Variants in MTMR3 observed in about 807,000 individuals in gnomAD.
The protein encoded by MTMR3 is myotubularin related protein 3.
MTMR3 carries 32 observed loss-of-function variants against 132.4 expected under a neutral mutation model. That is an observed-to-expected ratio of 0.24 (90% CI 0.18 to 0.32). The LOEUF is 0.32. MTMR3 is among the 10% of genes least tolerant of loss of function. The pLI is 1.00. For missense variants in MTMR3, 1,216 were observed against 1,489.6 expected, an observed-to-expected ratio of 0.82 and a Z score of 3.02; for synonymous variants, 556 against 550.3, an observed-to-expected ratio of 1.01 and a Z score of -0.14.
chr22:30,007,876 A>G, intron 10 of MTMR3, 25 bp from the exon 11 acceptor site: 1 of 1,612,574 alleles, frequency 6.2e-7, no homozygotes, highest in Non-Finnish European at 8.5e-7. Context: ...CTCATTTAGT[A>G]TGCCCTCTCC....
At chr22:29,923,041 AT>A (rs36099310) in intron 1 of MTMR3, among the ~76,000 whole-genome samples, 3,927 of 129,920 alleles carry the variant, frequency 0.03, 69 homozygotes, top group Non-Finnish European at 0.04. Flanking sequence ...CATCCAGCCA[AT>A]TTTTTTTTTT....
At chr22:29,923,729 A>G (rs187535839) in intron 1 of MTMR3, among the ~76,000 whole-genome samples, 50 of 152,196 alleles carry the variant, frequency 3.3e-4, no homozygotes, top group East Asian at 2.5e-3. Context: ...CACTAATCCT[A>G]TTGGATCAAG....
At chr22:29,970,474 C>T (rs373066813) in intron 2 of MTMR3, among the ~76,000 whole-genome samples, 6 of 141,818 alleles carry the variant, frequency 4.2e-5, no homozygotes, top group African/African-American at 1.6e-4. Flanking sequence ...ACTGGGACTA[C>T]AGGCATGTGC....
At chr22:29,944,899 A>G (rs902398118) in intron 1 of MTMR3, among the ~76,000 whole-genome samples, 1 of 152,216 alleles carries the variant, frequency 6.6e-6, no homozygotes, top group Non-Finnish European at 1.5e-5. Flanking sequence ...TCAATGAATA[A>G]ACTGTATAAA....
chr22:30,019,937 C>T lies in MTMR3; in HGVS notation c.2278C>T (p.Leu760=). 6.2e-7 allele frequency: 1 copy of T among 1,614,250 alleles called. No individual in the cohort carries two copies. Among genetic ancestry groups the T allele is most frequent in the Non-Finnish European group, 8.5e-7 (1 of 1,180,044 alleles). The stretch of plus-strand genomic sequence containing the variant: ...GAGCCATCTGGATATGAGCTGGCCT[C>T]TGTTCTCACAGGGCATTTCTGAACA... ...LRSHLDMSWP[L]FSQGISEQQS... The change falls in exon 17 of 20, where the codon CTG becomes TTG. Residue 760 remains leucine, a synonymous_variant. Coordinates refer to ENST00000401950, the MANE Select transcript of MTMR3 (RefSeq NM_021090.4).
chr22:29,966,682 GGTTA>G (rs764598290), intron 2 of MTMR3, among the ~76,000 whole-genome samples: 29 of 151,232 alleles, frequency 1.9e-4, no homozygotes, highest in Non-Finnish European at 3.7e-4. Flanking sequence ...AAAAATAAAA[GGTTA>G]GTTCCTTAAC....
intron 1 of MTMR3, among the ~76,000 whole-genome samples, chr22:29,888,531 T>G (rs2064723860): frequency 6.6e-6 from 1 of 152,202 alleles, no homozygotes; most frequent in African/African-American, 2.4e-5. Flanking sequence ...GTGAAATACC[T>G]CATAGCTATG....
chr22:30,020,164 T>A lies in MTMR3; in HGVS notation c.2505T>A (p.Phe835Leu). ...SCSLLPSQVP[F>L]ETRGPNVDSS... ...CTCTGCTACCTTCCCAAGTCCCTTT[T>A]GAGACCAGAGGACCAAACGTGGACA... The change falls in exon 17 of 20, where the codon TTT (phenylalanine) becomes TTA (leucine). Residue 835 changes from phenylalanine (F) to leucine (L), a missense_variant. This residue lies in a region of MTMR3 where 852 missense variants were observed against 852.0 expected (regional missense o/e 1.00). Transcript: ENST00000401950. 1 of 1,614,196 alleles carries A rather than the reference T, an allele frequency of 6.2e-7. No individual in the cohort carries two copies. Among genetic ancestry groups the A allele is most frequent in the Non-Finnish European group, 8.5e-7 (1 of 1,180,022 alleles).
chr22:30,025,674 T>G lies in MTMR3; in HGVS notation c.3470T>G (p.Val1157Gly). Residue 1157 changes from valine (V) to glycine (G), a missense_variant, in exon 20 of 20, where the codon GTT (valine) becomes GGT (glycine). By Grantham distance (109) the Val-to-Gly change is moderately radical. Transcript: ENST00000401950. The part of the protein sequence containing the change: ...VFCSSCCNQK[V>G]PVPSQQLFEP... Reference sequence around the variant, plus strand: ...TGCTCCAGTTGTTGTAACCAGAAGGTTCCAGTTCCCAGCCAGCAGCTCTTT... The same window carrying G: ...TGCTCCAGTTGTTGTAACCAGAAGGGTCCAGTTCCCAGCCAGCAGCTCTTT... 6.2e-7 allele frequency: 1 copy of G among 1,614,188 alleles called. No individual in the cohort carries two copies. The highest frequency in any genetic ancestry group is 8.5e-7 in the Non-Finnish European group (1 of 1,180,028).
intron 7 of MTMR3, chr22:29,998,253 A>G (rs2067101471): frequency 6.6e-6 from 1 of 152,336 alleles, no homozygotes. Context: ...ATCAGAATTA[A>G]TTTCTTTCCT....
At chr22:29,974,288 C>A (rs2066590806) in intron 3 of MTMR3, among the ~76,000 whole-genome samples, 1 of 152,182 alleles carries the variant, frequency 6.6e-6, no homozygotes, top group South Asian at 2.1e-4. Context: ...ATGAAACTCA[C>A]AGAAACTATA....
In MTMR3 at chr22:30,030,826, G is replaced by C. The variant is rs1393115799; in HGVS notation, c.*5025G>C. 1 of 152,218 alleles carries C rather than the reference G, an allele frequency of 6.6e-6. No individual in the cohort carries two copies. The highest frequency in any genetic ancestry group is 1.5e-5 in the Non-Finnish European group (1 of 68,024). 9.4% of individuals were successfully genotyped at this position (152,218 alleles called of 1,614,324 possible). Reference sequence around the variant, plus strand: ...AAAAGTAAGATCTGGTATGAAGAAAGGTTTTGTTTGTTTCTTAAAATAAAA... The same window carrying C: ...AAAAGTAAGATCTGGTATGAAGAAACGTTTTGTTTGTTTCTTAAAATAAAA... On this transcript the variant is annotated 3_prime_UTR_variant, in exon 20 of 20. Coordinates refer to ENST00000401950, the MANE Select transcript of MTMR3 (RefSeq NM_021090.4).
chr22:30,022,716 G>T lies in MTMR3; in HGVS notation c.3425+19G>T. On this transcript the variant is annotated intron_variant, in intron 19 of 19. Coordinates refer to ENST00000401950, the MANE Select transcript of MTMR3 (RefSeq NM_021090.4). Reference sequence around the variant, plus strand: ...ACTGCAGGTACCATTGAGGGGCTGTGGTAGGGTGGGCTGTGTGTGGAGGTT... The same window carrying T: ...ACTGCAGGTACCATTGAGGGGCTGTTGTAGGGTGGGCTGTGTGTGGAGGTT... The T allele has an allele frequency of 6.3e-7, 1 of 1,597,174 alleles. No individual in the cohort carries two copies. Among genetic ancestry groups the T allele is most frequent in the Non-Finnish European group, 8.5e-7 (1 of 1,174,952 alleles).
chr22:30,016,847 T>C, intron 15 of MTMR3, 149 bp downstream of exon 15: 1 of 934,560 alleles, frequency 1.1e-6, no homozygotes, highest in South Asian at 1.7e-5. Context: ...CATGATTCTG[T>C]CCTGAGGAAG....
intron 2 of MTMR3, among the ~76,000 whole-genome samples, chr22:29,957,998 T>C (rs1182705146): frequency 1.3e-5 from 2 of 152,078 alleles, no homozygotes; most frequent in Non-Finnish European, 2.9e-5. Context: ...AAACTATATA[T>C]ATATATATGT....
intron 2 of MTMR3, among the ~76,000 whole-genome samples, chr22:29,964,249 G>T (rs938035735): frequency 6.6e-6 from 1 of 152,158 alleles, no homozygotes; most frequent in African/African-American, 2.4e-5. Context: ...CCACTGTGGG[G>T]TTCACATTTT....
intron 3 of MTMR3, 50 bp downstream of exon 3, chr22:29,971,112 C>T (rs1406425522): frequency 6.4e-7 from 1 of 1,561,342 alleles, no homozygotes; most frequent in African/African-American, 1.4e-5. Flanking sequence ...ACCCTGTGTC[C>T]TGACAATTAA....
intron 5 of MTMR3, chr22:29,986,832 A>C (rs1036069564): frequency 7.5e-6 from 1 of 133,846 alleles, no homozygotes; most frequent in African/African-American, 2.5e-5. Flanking sequence ...ACAGGCATGC[A>C]CCAAATACAG....
rs1396663947 is a variant in MTMR3, at chr22:30,015,339, C to T, written c.1504-1189C>T. On this transcript the variant is annotated intron_variant, in intron 14 of 19. Coordinates refer to ENST00000401950, the MANE Select transcript of MTMR3 (RefSeq NM_021090.4). ...CTTCCAAAATGCTGGTATTAACAGG[C>T]ATGAGTCACCATGCCTGTCCAAAAC... 4.0e-5 allele frequency: 6 copies of T among 151,856 alleles called. No individual in the cohort carries two copies. In the South Asian group the frequency reaches 1.2e-3, roughly 32 times the overall value. 9.4% of individuals were successfully genotyped at this position (151,856 alleles called of 1,614,324 possible).
Sources: gnomAD v4.1 joint callset for allele counts (sites outside exome capture counted in the v4.1 genomes callset) on GRCh38, gnomAD v4.1.1 for gene constraint, gnomAD v4.1.1 regional missense constraint, MANE v1.5 for transcripts, NCBI Gene and HGNC (gene_info 2026-07-23, HGNC 2026-07-21) for gene names.